The following TAMM41 variants were observed in gnomAD, a reference collection of about 807,000 sequenced individuals.
TAMM41 encodes TAM41 mitochondrial translocator assembly and maintenance homolog, also known as phosphatidate cytidylyltransferase, mitochondrial.
A neutral mutation model predicts 44.1 loss-of-function variants in TAMM41; 36 were observed. The ratio of observed to expected loss-of-function variants is 0.82; its 90% CI spans 0.63 to 1.08. TAMM41 has a LOEUF of 1.08. Among genes scored for constraint, TAMM41 ranks in the 50% least tolerant of loss-of-function variants. The pLI is 0.00. For missense variants in TAMM41, 417 were observed against 404.3 expected (o/e 1.03, Z -0.27); for synonymous variants, 164 against 153.1 (o/e 1.07, Z -0.53).
intron 5 of TAMM41, among the ~76,000 whole-genome samples, chr3:11,816,037 C>T (rs939267923): frequency 6.6e-6 from 1 of 152,148 alleles, no homozygotes; most frequent in Non-Finnish European, 1.5e-5. Context: ...TGGGTATTCT[C>T]GCATTTCATA....
intron 7 of TAMM41, among the ~76,000 whole-genome samples, chr3:11,795,299 G>A (rs116436537): frequency 0.013 from 2,010 of 152,160 alleles, 21 homozygotes; most frequent in Middle Eastern, 0.038. Flanking sequence ...CATCATCCTC[G>A]CCCAACCTCC....
intron 3 of TAMM41, among the ~76,000 whole-genome samples, chr3:11,835,522 C>T (rs1274018982): frequency 6.6e-6 from 1 of 152,168 alleles, no homozygotes; most frequent in East Asian, 1.9e-4. Context: ...GGTGCTACTA[C>T]TTGTCTTGAA....
chr3:11,794,269 T>G (rs1167508874), intron 7 of TAMM41, among the ~76,000 whole-genome samples: 1 of 152,094 alleles, frequency 6.6e-6, no homozygotes, highest in Admixed American at 6.5e-5. Flanking sequence ...CCTGAGTAGC[T>G]GGGGCTACAG....
At chr3:11,821,866 A>T (rs536251819) in intron 4 of TAMM41, among the ~76,000 whole-genome samples, 2 of 152,284 alleles carry the variant, frequency 1.3e-5, no homozygotes, top group African/African-American at 4.8e-5. Context: ...CCGAAAATGC[A>T]AAATACCCCC....
intron 7 of TAMM41, among the ~76,000 whole-genome samples, chr3:11,801,345 C>T (rs2077747935): frequency 6.9e-6 from 1 of 144,094 alleles, no homozygotes; most frequent in African/African-American, 2.8e-5. Context: ...TCCCCTGAGA[C>T]CCCTGAGACA....
At chr3:11,807,471 T>C in intron 7 of TAMM41, 2 of 1,536,010 alleles carry the variant, frequency 1.3e-6, no homozygotes, top group Non-Finnish European at 8.7e-7. Flanking sequence ...ATGGAAGCAG[T>C]TGTCTCAGAG....
chr3:11,772,055 GTC>G, the TAMM41 span, among the ~76,000 whole-genome samples: 1 of 151,152 alleles, frequency 6.6e-6, no homozygotes, highest in Non-Finnish European at 1.5e-5. Flanking sequence ...AGTCTCCAGT[GTC>G]TGTTTTTCTT....
rs1412610754 is a variant in TAMM41 at position 11,807,609 on chromosome 3, G to A, written c.937+224C>T. ...GAAGTGTCTCAGAAAATTCAGAAGGGCAGTAAAGCTTCCAACAGCACTGCC... is the reference window on the plus strand; with the variant it reads ...GAAGTGTCTCAGAAAATTCAGAAGGACAGTAAAGCTTCCAACAGCACTGCC... On this transcript the variant is annotated intron_variant, in intron 7 of 7. Transcript: ENST00000455809. 1 of 1,535,994 alleles carries A rather than the reference G, an allele frequency of 6.5e-7. No individual in the cohort carries two copies. Among genetic ancestry groups the A allele is most frequent in the African/African-American group, 1.4e-5 (1 of 73,004 alleles).
At chr3:11,739,547 C>T in the TAMM41 span, among the ~76,000 whole-genome samples, 8 of 151,914 alleles carry the variant, frequency 5.3e-5, no homozygotes, top group East Asian at 1.2e-3. Context: ...TGGCTCACTC[C>T]GATAATCCCA....
At chr3:11,839,164 T>G in intron 3 of TAMM41, 58 bp downstream of exon 3, 1 of 1,074,090 alleles carries the variant, frequency 9.3e-7, no homozygotes, top group Non-Finnish European at 1.4e-6. Context: ...ATGATCAAAG[T>G]AAGGTTAGGC....
At chr3:11,731,492 A>G in the TAMM41 span, among the ~76,000 whole-genome samples, 5 of 152,116 alleles carry the variant, frequency 3.3e-5, no homozygotes, top group South Asian at 1.0e-3. Context: ...CCCTGTCTCT[A>G]CAAAAATTAA....
rs2079556120 is a variant in TAMM41, at chr3:11,843,882, A to G, written c.318+147T>C. On this transcript the variant is annotated intron_variant, in intron 2 of 7. Transcript: ENST00000455809. Reference sequence around the variant, plus strand: ...TCCTGACTATAAGAATATACATACTATAAAAACATACATATTTCCCGACTA... The same window carrying G: ...TCCTGACTATAAGAATATACATACTGTAAAAACATACATATTTCCCGACTA... The G allele has an allele frequency of 1.1e-5, 9 of 798,054 alleles. No homozygotes were observed. In the South Asian group the frequency reaches 1.5e-4, roughly 13 times the overall value. The allele number at this position is 798,054 out of a possible 1,614,324, so 49.4% of individuals were successfully genotyped here.
At chr3:11,732,291 C>T in the TAMM41 span, among the ~76,000 whole-genome samples, 1 of 151,334 alleles carries the variant, frequency 6.6e-6, no homozygotes, top group East Asian at 2.0e-4. Context: ...TGCCTTCCTC[C>T]CTTTCTTCTT....
chr3:11,844,810 G>A, intron 1 of TAMM41: 1 of 418,586 alleles, frequency 2.4e-6, no homozygotes, highest in Non-Finnish European at 4.8e-6. Context: ...TAGGGTAGAA[G>A]TATAGAGCTC....
downstream of TAMM41, among the ~76,000 whole-genome samples, chr3:11,788,938 G>GA (rs1432760126): frequency 4.1e-5 from 6 of 147,292 alleles, no homozygotes; most frequent in Non-Finnish European, 7.5e-5. Context: ...ATTCCATCTT[G>GA]AAAAAACAAA....
the TAMM41 span, among the ~76,000 whole-genome samples, chr3:11,729,709 G>T: frequency 6.6e-6 from 1 of 151,486 alleles, no homozygotes. Context: ...ACAGGTGCAT[G>T]CCACCACACC....
intron 1 of TAMM41, chr3:11,845,184 G>C: frequency 2.8e-6 from 1 of 356,690 alleles, no homozygotes; most frequent in Non-Finnish European, 5.5e-6. Context: ...CAGAAGAGCT[G>C]ACTGGAGAGA....
chr3:11,774,377 G>A, the TAMM41 span, among the ~76,000 whole-genome samples: 2,592 of 152,234 alleles, frequency 0.017, 72 homozygotes, highest in African/African-American at 0.06. Context: ...ATCAAACCAA[G>A]CTGACAGGGA....
intron 6 of TAMM41, 56 bp from the exon 7 acceptor site, chr3:11,807,951 T>C: frequency 1.4e-6 from 2 of 1,468,272 alleles, no homozygotes; most frequent in Non-Finnish European, 1.8e-6. Flanking sequence ...ATGTTAGTCA[T>C]CTTAACAGTT....
Sources: allele counts gnomAD v4.1 joint callset (sites outside exome capture counted in the v4.1 genomes callset), GRCh38; gene constraint gnomAD v4.1.1; transcripts MANE v1.5; gene names NCBI Gene and HGNC (gene_info 2026-07-23, HGNC 2026-07-21).